Variants in DNAH14 observed in about 807,000 individuals in gnomAD.
DNAH14 encodes the protein axonemal beta dynein heavy chain 14.
In DNAH14, 478 loss-of-function variants were observed where a neutral mutation model predicts 520.9. The observed-to-expected ratio is 0.92, with a 90% CI of 0.85 to 0.99. The LOEUF is 0.99. Among genes scored for constraint, DNAH14 ranks in the 50% least tolerant of loss-of-function variants. The pLI is 0.00. For missense variants in DNAH14, 4,831 were observed against 5,234.5 expected (o/e 0.92, Z 2.38); for synonymous variants, 1,581 against 1,757.2 (o/e 0.90, Z 2.51).
At chr1:225,021,569 G>T (rs2065697717) in intron 10 of DNAH14, among the ~76,000 whole-genome samples, 1 of 152,050 alleles carries the variant, frequency 6.6e-6, no homozygotes, top group African/African-American at 2.4e-5. Context: ...TAGGAATACA[G>T]TTAACCAAGG....
chr1:225,122,755 GA>G (rs987227847), intron 26 of DNAH14, among the ~76,000 whole-genome samples: 55 of 152,076 alleles, frequency 3.6e-4, no homozygotes, highest in African/African-American at 1.3e-3. Context: ...AGTTGTTATT[GA>G]CATATTTCTC....
At chr1:225,193,948 G>A (rs11583802) in intron 38 of DNAH14, among the ~76,000 whole-genome samples, 18,868 of 151,860 alleles carry the variant, frequency 0.12, 1,326 homozygotes, top group East Asian at 0.31. Flanking sequence ...CTCATTCACC[G>A]TAGCCACAAA....
At chr1:225,057,310 C>T (rs2069252122) in intron 17 of DNAH14, among the ~76,000 whole-genome samples, 1 of 152,162 alleles carries the variant, frequency 6.6e-6, no homozygotes, top group African/African-American at 2.4e-5. Context: ...AATGGAAGTT[C>T]GCTCATGATT....
At chr1:225,373,357 C>T (rs545522756) in intron 77 of DNAH14, among the ~76,000 whole-genome samples, 15 of 151,914 alleles carry the variant, frequency 9.9e-5, no homozygotes, top group African/African-American at 2.2e-4. Flanking sequence ...CCCAGCTACG[C>T]GGGAGGCTGA....
chr1:225,043,204 A>T, intron 13 of DNAH14, 90 bp downstream of exon 13: 11 of 1,162,932 alleles, frequency 9.5e-6, no homozygotes, highest in African/African-American at 3.3e-5. Context: ...CTGAGGTGGG[A>T]GGATCACTTG....
intron 41 of DNAH14, among the ~76,000 whole-genome samples, chr1:225,214,755 C>A (rs1369766264): frequency 6.6e-6 from 1 of 152,098 alleles, no homozygotes; most frequent in Non-Finnish European, 1.5e-5. Context: ...GTGGTGATAT[C>A]CCCTTTGTCA....
intron 79 of DNAH14, 92 bp from the exon 80 acceptor site, chr1:225,380,067 G>A: frequency 7.4e-7 from 1 of 1,345,956 alleles, no homozygotes; most frequent in Non-Finnish European, 1.0e-6. Flanking sequence ...TATTCCTCCT[G>A]TCTACCAGTA....
intron 17 of DNAH14, among the ~76,000 whole-genome samples, chr1:225,066,933 A>G (rs527345333): frequency 5.4e-4 from 82 of 152,212 alleles, no homozygotes; most frequent in African/African-American, 1.6e-3. Context: ...TATTTCTGCA[A>G]TTGTAAAATG....
At chr1:225,061,752 A>G (rs1258261460) in intron 17 of DNAH14, among the ~76,000 whole-genome samples, 1 of 152,196 alleles carries the variant, frequency 6.6e-6, no homozygotes, top group Non-Finnish European at 1.5e-5. Context: ...CTGAATAGCT[A>G]GGATTATAGG....
intron 55 of DNAH14, among the ~76,000 whole-genome samples, chr1:225,298,432 C>T (rs2094062535): frequency 6.6e-6 from 1 of 152,192 alleles, no homozygotes; most frequent in South Asian, 2.1e-4. Flanking sequence ...GGTAGGGTCA[C>T]CCTAAATGGG....
intron 73 of DNAH14, among the ~76,000 whole-genome samples, chr1:225,356,408 T>C (rs12566632): frequency 0.32 from 48,121 of 152,024 alleles, 8,088 homozygotes; most frequent in East Asian, 0.61. Flanking sequence ...CCATTTGTCA[T>C]CATATTTGCA....
intron 1 of DNAH14, 62 bp downstream of exon 1, chr1:224,929,897 G>C (rs369979710): frequency 1.6e-6 from 1 of 606,470 alleles, no homozygotes; most frequent in Non-Finnish European, 2.9e-6. Context: ...GGCGGCGCGT[G>C]GGGCAGCCGG....
At chr1:225,281,490 A>G (rs771664137) in intron 54 of DNAH14, among the ~76,000 whole-genome samples, 2 of 152,184 alleles carry the variant, frequency 1.3e-5, no homozygotes, top group Admixed American at 1.3e-4. Flanking sequence ...GTCTCTTGCC[A>G]TGTAATATAA....
chr1:225,092,431 A>G (rs1355912457), intron 21 of DNAH14, among the ~76,000 whole-genome samples: 1 of 152,138 alleles, frequency 6.6e-6, no homozygotes, highest in Non-Finnish European at 1.5e-5. Context: ...CTGAATGACT[A>G]TTGGGTAAAT....
intron 11 of DNAH14, among the ~76,000 whole-genome samples, chr1:225,027,375 A>G (rs908798715): frequency 1.3e-5 from 2 of 152,130 alleles, no homozygotes; most frequent in Non-Finnish European, 2.9e-5. Context: ...ATTAAGTATG[A>G]TGTGCCTGTG....
intron 77 of DNAH14, among the ~76,000 whole-genome samples, chr1:225,373,700 AACTT>A (rs1451917361): frequency 1.3e-5 from 2 of 152,110 alleles, no homozygotes; most frequent in Admixed American, 1.3e-4. Context: ...AGTGGAAGAA[AACTT>A]ACTTTCTCTT....
chr1:225,188,512 T>C (rs1169366386), intron 37 of DNAH14, among the ~76,000 whole-genome samples: 1 of 151,964 alleles, frequency 6.6e-6, no homozygotes, highest in Non-Finnish European at 1.5e-5. Flanking sequence ...AAATATAATA[T>C]ATAAAGGGTT....
chr1:225,023,845 A>G lies in DNAH14; in HGVS notation c.1338A>G (p.Lys446=), dbSNP rs2065898210. 1.3e-6 allele frequency: 2 copies of G among 1,535,340 alleles called. No individual in the cohort carries two copies. The highest frequency in any genetic ancestry group is 1.8e-6 in the Non-Finnish European group (2 of 1,138,918). The change falls in exon 11 of 86, where the codon AAA becomes AAG. Residue 446 remains lysine, a synonymous_variant. Transcript: ENST00000682510. The part of the protein sequence containing the change: ...GSAGMPFSVE[K]KNENLIRTFK... ...CTGGAATGCCATTTTCAGTGGAAAAAAAGAATGAAAATCTTATCAGGTAAA... is the reference window on the plus strand; with the variant it reads ...CTGGAATGCCATTTTCAGTGGAAAAGAAGAATGAAAATCTTATCAGGTAAA...
chr1:224,959,717 C>T (rs551818373), intron 3 of DNAH14, among the ~76,000 whole-genome samples: 2 of 152,128 alleles, frequency 1.3e-5, no homozygotes, highest in South Asian at 4.2e-4. Flanking sequence ...AAACAGGGTC[C>T]TCTTCTGTAT....
Sources: gnomAD v4.1 joint callset for allele counts (sites outside exome capture counted in the v4.1 genomes callset) on GRCh38, gnomAD v4.1.1 for gene constraint, MANE v1.5 for transcripts, NCBI Gene and HGNC (gene_info 2026-07-23, HGNC 2026-07-21) for gene names.